Variants in LPP observed in about 807,000 individuals in gnomAD.
LPP encodes LIM domain containing preferred translocation partner in lipoma, also known as lipoma-preferred partner.
In LPP, 38 loss-of-function variants were observed where a neutral mutation model predicts 60.4. The observed-to-expected ratio is 0.63, with a 90% CI of 0.49 to 0.83. The LOEUF (loss-of-function observed/expected upper bound fraction) is 0.83, where lower values mean the gene tolerates loss of function less well. LPP is among the 40% of genes least tolerant of loss of function. The pLI, the probability that LPP is intolerant of heterozygous loss-of-function variation, is 0.00. For synonymous variants in LPP, 328 were observed against 290.8 expected, an observed-to-expected ratio of 1.13 and a Z score of -1.30; for missense variants, 902 against 783.6, an observed-to-expected ratio of 1.15 and a Z score of -1.80.
chr3:188,308,885 C>A (rs1453601693), intron 2 of LPP, among the ~76,000 whole-genome samples: 4 of 151,786 alleles, frequency 2.6e-5, no homozygotes, highest in African/African-American at 9.7e-5. Context: ...CGTTCTCGTT[C>A]TCCTTCTCCT....
chr3:188,307,620 A>C (rs1486450164), intron 2 of LPP, among the ~76,000 whole-genome samples: 1 of 152,106 alleles, frequency 6.6e-6, no homozygotes, highest in African/African-American at 2.4e-5. Flanking sequence ...TAGTCTTTTT[A>C]AGTTGTTTGT....
rs1052162011 is a variant in LPP at position 188,472,387 on chromosome 3, A to G, written c.194-12205A>G. ...CCTGTCAGCTCCAGTATTCCTTTGGAAAAAAAAAATACATGCCAAAAAACA... is the reference window on the plus strand; with the variant it reads ...CCTGTCAGCTCCAGTATTCCTTTGGGAAAAAAAAATACATGCCAAAAAACA... On this transcript the variant is annotated intron_variant, in intron 4 of 11. Coordinates refer to ENST00000617246, the MANE Select transcript of LPP (RefSeq NM_001375462.1). Among the ~76,000 whole-genome samples, 28 of 150,372 alleles carry G rather than the reference A, an allele frequency of 1.9e-4. 1 individual carries two copies. The highest frequency in any genetic ancestry group is 5.8e-4 in the African/African-American group (24 of 41,094).
chr3:188,321,575 C>T (rs1030022695), intron 2 of LPP, among the ~76,000 whole-genome samples: 6 of 152,054 alleles, frequency 3.9e-5, no homozygotes, highest in Admixed American at 3.9e-4. Flanking sequence ...GAAGAATTGG[C>T]TCATTTTATA....
chr3:188,235,188 G>A (rs1159816330), intron 2 of LPP, among the ~76,000 whole-genome samples: 1 of 152,198 alleles, frequency 6.6e-6, no homozygotes, highest in Non-Finnish European at 1.5e-5. Flanking sequence ...TGCTGTCCTG[G>A]GTCTCTGCTG....
At chr3:188,677,253 GT>G (rs1858337796) in intron 7 of LPP, among the ~76,000 whole-genome samples, 1 of 152,130 alleles carries the variant, frequency 6.6e-6, no homozygotes, top group African/African-American at 2.4e-5. Context: ...AGTCTTTATT[GT>G]TTTATAGATA....
chr3:188,754,190 C>T (rs1393068665), intron 8 of LPP, among the ~76,000 whole-genome samples: 1 of 152,126 alleles, frequency 6.6e-6, no homozygotes, highest in Non-Finnish European at 1.5e-5. Flanking sequence ...CCAAAAGAAG[C>T]CTGTTCTATC....
At chr3:188,372,228 C>T (rs1338541136) in intron 3 of LPP, among the ~76,000 whole-genome samples, 4 of 151,992 alleles carry the variant, frequency 2.6e-5, no homozygotes, top group Admixed American at 2.0e-4. Context: ...TTGTCCCCCT[C>T]TATAAATGGT....
In LPP at chr3:188,278,414, A is replaced by G. The variant is rs576198675; in HGVS notation, c.-67+52887A>G. Among the ~76,000 whole-genome samples the G allele has an allele frequency of 7.1e-4, 108 of 152,140 alleles. 1 individual carries two copies. The highest frequency in any genetic ancestry group is 2.5e-3 in the African/African-American group (103 of 41,502). On this transcript the variant is annotated intron_variant, in intron 2 of 11. Coordinates refer to ENST00000617246, the MANE Select transcript of LPP (RefSeq NM_001375462.1). Reference sequence around the variant, plus strand: ...TGGTTGGAAGGAGTGCTCTGTCCTCACCTCTTCCTCCCATGGCACCTGCAG... The same window carrying G: ...TGGTTGGAAGGAGTGCTCTGTCCTCGCCTCTTCCTCCCATGGCACCTGCAG...
intron 7 of LPP, among the ~76,000 whole-genome samples, chr3:188,646,159 C>T (rs1386818730): frequency 6.6e-6 from 1 of 152,174 alleles, no homozygotes; most frequent in Non-Finnish European, 1.5e-5. Flanking sequence ...TTTCAGCCTG[C>T]TAGGGACAGA....
At chr3:188,481,417 T>A (rs1234279695) in intron 4 of LPP, among the ~76,000 whole-genome samples, 1 of 152,224 alleles carries the variant, frequency 6.6e-6, no homozygotes, top group Non-Finnish European at 1.5e-5. Context: ...CTTTTAAACA[T>A]CTGCCTTTTC....
chr3:188,221,301 T>A (rs1715681400), intron 1 of LPP, among the ~76,000 whole-genome samples: 1 of 152,220 alleles, frequency 6.6e-6, no homozygotes, highest in African/African-American at 2.4e-5. Flanking sequence ...CAGAGAACTT[T>A]TAGACCCTCA....
intron 3 of LPP, among the ~76,000 whole-genome samples, chr3:188,380,582 A>G (rs1219927930): frequency 6.6e-6 from 1 of 152,230 alleles, no homozygotes; most frequent in Non-Finnish European, 1.5e-5. Context: ...GCCAAGAGAA[A>G]TCCCTCATTG....
chr3:188,681,248 C>T (rs1396490641), intron 7 of LPP, among the ~76,000 whole-genome samples: 1 of 152,154 alleles, frequency 6.6e-6, no homozygotes, highest in Non-Finnish European at 1.5e-5. Flanking sequence ...CCCACCTTGG[C>T]CTCCCAGAGT....
At chr3:188,254,078 C>A (rs775635786) in intron 2 of LPP, among the ~76,000 whole-genome samples, 10 of 152,176 alleles carry the variant, frequency 6.6e-5, no homozygotes, top group Non-Finnish European at 1.5e-4. Flanking sequence ...GCCATCTGTG[C>A]ACATGGTTTT....
At chr3:188,649,989 G>GCTAT (rs199728025) in intron 7 of LPP, among the ~76,000 whole-genome samples, 1 of 152,084 alleles carries the variant, frequency 6.6e-6, no homozygotes, top group East Asian at 1.9e-4. Flanking sequence ...TACAGCTAAA[G>GCTAT]CTATCTATCT....
chr3:188,715,417 G>A (rs931768030), intron 8 of LPP, among the ~76,000 whole-genome samples: 19 of 148,886 alleles, frequency 1.3e-4, no homozygotes, highest in South Asian at 6.4e-4. Context: ...GGAACATGGG[G>A]CGATGAAGTA....
In LPP at chr3:188,154,902, G is replaced by T. The variant is rs57571102; in HGVS notation, c.-190+650G>T. On this transcript the variant is annotated intron_variant, in intron 1 of 11. Transcript: ENST00000617246. Reference sequence around the variant, plus strand: ...AGTTAAAGGAAGTTCCAGGGAGGGGGTTTGATTTTCTGGTCCCTGGGACGG... The same window carrying T: ...AGTTAAAGGAAGTTCCAGGGAGGGGTTTTGATTTTCTGGTCCCTGGGACGG... Among the ~76,000 whole-genome samples the T allele has an allele frequency of 6.8e-3, 1,034 of 152,256 alleles. 34 individuals carry two copies. The highest frequency in any genetic ancestry group is 0.047 in the Admixed American group (723 of 15,292).
intron 2 of LPP, among the ~76,000 whole-genome samples, chr3:188,243,505 G>A (rs777677136): frequency 6.6e-6 from 1 of 152,144 alleles, no homozygotes; most frequent in Non-Finnish European, 1.5e-5. Flanking sequence ...AAGCTTGCAC[G>A]GAAAGCTGCG....
At chr3:188,247,542 G>A (rs761892262) in intron 2 of LPP, among the ~76,000 whole-genome samples, 1 of 152,120 alleles carries the variant, frequency 6.6e-6, no homozygotes. Context: ...GTTGGCTCAT[G>A]CCTGTAATCC....
Sources: gnomAD v4.1 joint callset for allele counts (sites outside exome capture counted in the v4.1 genomes callset) on GRCh38, gnomAD v4.1.1 for gene constraint, MANE v1.5 for transcripts, NCBI Gene and HGNC (gene_info 2026-07-23, HGNC 2026-07-21) for gene names.